The following NEDD9 variants were observed in gnomAD, a reference collection of about 807,000 sequenced individuals.
The protein encoded by NEDD9 is neural precursor cell expressed, developmentally down-regulated 9.
Under a neutral mutation model 76.6 loss-of-function variants are expected in NEDD9, and 26 were observed. The observed-to-expected ratio is 0.34, with a 90% confidence interval of 0.25 to 0.47. The LOEUF (loss-of-function observed/expected upper bound fraction) is 0.47. Among genes scored for constraint, NEDD9 ranks in the 20% least tolerant of loss-of-function variants. The probability of loss-of-function intolerance (pLI) is 1.00; values close to 1 mark genes in which losing one functional copy is unlikely to be tolerated. For missense variants in NEDD9, 937 were observed against 1,058.5 expected (o/e 0.89, Z 1.59); for synonymous variants, 392 against 414.2 (o/e 0.95, Z 0.65).
At chr6:11,240,042 CA>C (rs144360623) in intron 3 of NEDD9, among the ~76,000 whole-genome samples, 3,912 of 91,872 alleles carry the variant, frequency 0.043, 26 homozygotes, top group East Asian at 0.069. Flanking sequence ...GACTTCATCT[CA>C]AAAAAAAAAA....
chr6:11,355,907 G>A (rs374022507), intron 1 of NEDD9, among the ~76,000 whole-genome samples: 48 of 151,842 alleles, frequency 3.2e-4, no homozygotes, highest in Non-Finnish European at 6.2e-4. Context: ...TTTTTTAGTA[G>A]AGACGGGGTT....
At chr6:11,243,312 A>G (rs1382197487) in intron 3 of NEDD9, among the ~76,000 whole-genome samples, 1 of 152,238 alleles carries the variant, frequency 6.6e-6, no homozygotes. Context: ...AATGAAAAAG[A>G]CTGGCAAAAT....
intron 1 of NEDD9, among the ~76,000 whole-genome samples, chr6:11,225,404 C>G (rs1401349300): frequency 6.6e-6 from 1 of 152,194 alleles, no homozygotes; most frequent in African/African-American, 2.4e-5. Flanking sequence ...GGATCATGAA[C>G]TACCTACTTA....
At chr6:11,301,577 C>T (rs1270206923) in intron 3 of NEDD9, among the ~76,000 whole-genome samples, 4 of 152,194 alleles carry the variant, frequency 2.6e-5, no homozygotes, top group Non-Finnish European at 4.4e-5. Context: ...CTTCTCAGCA[C>T]CACATTGCAC....
chr6:11,358,498 A>C (rs924341238), intron 1 of NEDD9, among the ~76,000 whole-genome samples: 1 of 152,116 alleles, frequency 6.6e-6, no homozygotes, highest in Admixed American at 6.5e-5. Flanking sequence ...TAACAGGAAA[A>C]CTGTTAGAGA....
intron 2 of NEDD9, among the ~76,000 whole-genome samples, chr6:11,306,358 C>T (rs1761184193): frequency 6.6e-6 from 1 of 152,160 alleles, no homozygotes; most frequent in Non-Finnish European, 1.5e-5. Flanking sequence ...TTCAAAGACA[C>T]ATAAAATATA....
At chr6:11,291,383 T>A (rs1760766455) in intron 3 of NEDD9, among the ~76,000 whole-genome samples, 1 of 147,542 alleles carries the variant, frequency 6.8e-6, no homozygotes, top group Non-Finnish European at 1.5e-5. Flanking sequence ...CACGCCATTC[T>A]CCTGCCTCAG....
rs1348200076 is a variant in NEDD9 at position 11,232,569 on chromosome 6, C to T, written c.-54G>A. 5.0e-6 allele frequency: 8 copies of T among 1,613,746 alleles called. No individual in the cohort carries two copies. In the East Asian group the frequency reaches 8.9e-5, roughly 18 times the overall value. ...CTACACTAGTTAAGACAGCATTAAGCACTGCGGTGCCCGCCCCTCCATTGA... is the reference window on the plus strand; with the variant it reads ...CTACACTAGTTAAGACAGCATTAAGTACTGCGGTGCCCGCCCCTCCATTGA... On this transcript the variant is annotated 5_prime_UTR_variant, in exon 1 of 7. Coordinates refer to ENST00000379446, the MANE Select transcript of NEDD9 (RefSeq NM_006403.4).
chr6:11,308,425 A>T (rs534791646), intron 2 of NEDD9, among the ~76,000 whole-genome samples: 1 of 129,668 alleles, frequency 7.7e-6, no homozygotes, highest in South Asian at 2.4e-4. Context: ...GCTGGAGTGC[A>T]GTGGCGCAAT....
chr6:11,187,646 C>T (rs182642893), intron 6 of NEDD9, among the ~76,000 whole-genome samples: 2 of 152,134 alleles, frequency 1.3e-5, no homozygotes, highest in African/African-American at 4.8e-5. Context: ...AGCTAACCAT[C>T]GGAAGAGGAA....
intron 2 of NEDD9, among the ~76,000 whole-genome samples, chr6:11,197,761 T>C (rs1758326397): frequency 6.6e-6 from 1 of 152,170 alleles, no homozygotes; most frequent in South Asian, 2.1e-4. Flanking sequence ...TGATCCACAC[T>C]GTTTTGAGTC....
chr6:11,293,779 C>T (rs1371671509), intron 3 of NEDD9, among the ~76,000 whole-genome samples: 1 of 152,214 alleles, frequency 6.6e-6, no homozygotes, highest in African/African-American at 2.4e-5. Context: ...CTTTGACCAA[C>T]ATCTTTCCAA....
chr6:11,341,241 G>A (rs1318149585), intron 1 of NEDD9, among the ~76,000 whole-genome samples: 1 of 152,178 alleles, frequency 6.6e-6, no homozygotes, highest in Non-Finnish European at 1.5e-5. Context: ...AACAACACCA[G>A]ACTGCAAAAA....
intron 1 of NEDD9, among the ~76,000 whole-genome samples, chr6:11,224,020 C>T (rs1211020663): frequency 6.6e-6 from 1 of 152,178 alleles, no homozygotes; most frequent in Non-Finnish European, 1.5e-5. Context: ...GTTCAAATAT[C>T]CTTCCCTTTG....
rs1190054241 is a variant in NEDD9 at position 11,190,858 on chromosome 6, G to A, written c.1011C>T (p.Asn337=). ...EPPAETSEKA[N]PQERDGVYDV... is the part of the protein sequence containing the mutation. Reference sequence around the variant, plus strand: ...CATAAACACCATCCCTTTCCTGGGGGTTTGCTTTCTCACTGGTTTCTGCTG... The same window carrying A: ...CATAAACACCATCCCTTTCCTGGGGATTTGCTTTCTCACTGGTTTCTGCTG... The change falls in exon 5 of 7, where the codon AAC becomes AAT. Residue 337 remains asparagine (N), a synonymous_variant. Transcript: ENST00000379446. This position sits in a 1 kb window ranked among gnomAD's most constrained non-coding sequence, Gnocchi z 5.8. 1.2e-6 allele frequency: 2 copies of A among 1,614,108 alleles called. No homozygotes were observed. The highest frequency in any genetic ancestry group is 2.2e-5 in the South Asian group (2 of 91,074).
rs376701334 is a variant in NEDD9 at position 11,185,612 on chromosome 6, C to G, written c.2055G>C (p.Ser685=). 3 of 1,614,088 alleles carry G rather than the reference C, an allele frequency of 1.9e-6. No individual in the cohort carries two copies. The highest frequency in any genetic ancestry group is 2.2e-5 in the East Asian group (1 of 44,902). The part of the protein sequence containing the change: ...EITKPVENDI[S]KWKPSQSLPT... The stretch of plus-strand genomic sequence containing the variant: ...GTAGGCTCTGAGAGGGCTTCCACTT[C>G]GAGATGTCATTCTCCACGGGCTTTG... The change falls in exon 7 of 7, where the codon TCG becomes TCC. Residue 685 remains serine (S), a synonymous_variant. Coordinates refer to ENST00000379446, the MANE Select transcript of NEDD9 (RefSeq NM_006403.4).
At chr6:11,272,047 G>A (rs1301497042) in intron 3 of NEDD9, among the ~76,000 whole-genome samples, 2 of 152,154 alleles carry the variant, frequency 1.3e-5, no homozygotes, top group Non-Finnish European at 2.9e-5. Context: ...CACCACAGAA[G>A]AGAGCTGTCA....
At chr6:11,365,376 GT>G (rs1053367886) in intron 1 of NEDD9, among the ~76,000 whole-genome samples, 1 of 152,240 alleles carries the variant, frequency 6.6e-6, no homozygotes, top group African/African-American at 2.4e-5. Context: ...TTAGAGATAA[GT>G]TGGCTGAAGC....
chr6:11,369,018 T>G (rs1762814716), intron 1 of NEDD9, among the ~76,000 whole-genome samples: 1 of 152,200 alleles, frequency 6.6e-6, no homozygotes, highest in African/African-American at 2.4e-5. Context: ...TTTGTGCAGA[T>G]GAGAAACAGA....
Sources: gnomAD v4.1 joint callset for allele counts (sites outside exome capture counted in the v4.1 genomes callset) on GRCh38, gnomAD v4.1.1 for gene constraint, Gnocchi (gnomAD v3.1) non-coding constraint, MANE v1.5 for transcripts, NCBI Gene and HGNC (gene_info 2026-07-23, HGNC 2026-07-21) for gene names.